The following RGS5 variants were observed in gnomAD, a reference collection of about 807,000 sequenced individuals.
RGS5 encodes the protein regulator of G-protein signalling 5.
Under a neutral mutation model 18.9 loss-of-function variants are expected in RGS5, and 20 were observed. The ratio of observed to expected loss-of-function variants is 1.06; its 90% CI spans 0.74 to 1.54. RGS5 has a LOEUF of 1.54. RGS5 is among the 40% of genes most tolerant of loss of function. The probability of loss-of-function intolerance (pLI) is 0.00; values close to 1 mark genes in which losing one functional copy is unlikely to be tolerated. For synonymous variants in RGS5, 57 were observed against 76.2 expected, an observed-to-expected ratio of 0.75 and a Z score of 1.31; for missense variants, 201 against 211.8, an observed-to-expected ratio of 0.95 and a Z score of 0.32.
upstream of RGS5, chr1:163,202,980 C>G (rs367602581): frequency 1.8e-4 from 129 of 699,550 alleles, no homozygotes; most frequent in South Asian, 2.2e-3. Flanking sequence ...GCTCTTCCAG[C>G]CAATCCAGAG....
intron 2 of RGS5, chr1:163,260,291 C>A (rs1648394609): frequency 6.6e-6 from 1 of 152,026 alleles, no homozygotes; most frequent in South Asian, 2.1e-4. Context: ...ATTTTTTAAT[C>A]CTATATAAAT....
intron 2 of RGS5, among the ~76,000 whole-genome samples, chr1:163,162,217 C>T (rs928376469): frequency 2.0e-5 from 3 of 152,104 alleles, no homozygotes; most frequent in African/African-American, 7.2e-5. Flanking sequence ...AGGTCTTTCC[C>T]TTTTTAAAAG....
At chr1:163,182,918 A>T (rs12566038) in intron 1 of RGS5, among the ~76,000 whole-genome samples, 24,315 of 144,992 alleles carry the variant, frequency 0.17, 2,114 homozygotes, top group South Asian at 0.24. Flanking sequence ...ATACCACAAA[A>T]ATATAAATGA....
chr1:163,170,114 G>A (rs556463417), intron 1 of RGS5, among the ~76,000 whole-genome samples: 1 of 152,154 alleles, frequency 6.6e-6, no homozygotes, highest in Non-Finnish European at 1.5e-5. Context: ...CATAGGACAA[G>A]TTGTTGAATA....
intron 1 of RGS5, among the ~76,000 whole-genome samples, chr1:163,312,989 T>G (rs916299132): frequency 2.6e-5 from 4 of 152,218 alleles, no homozygotes; most frequent in Non-Finnish European, 4.4e-5. Flanking sequence ...CCTGCATGGT[T>G]TACCATTCTA....
chr1:163,161,715 TC>T, intron 3 of RGS5, 199 bp downstream of exon 3: 1 of 504,824 alleles, frequency 2.0e-6, no homozygotes, highest in East Asian at 3.5e-5. Context: ...ATGTTCACAT[TC>T]CCTCATAGTG....
intron 1 of RGS5, among the ~76,000 whole-genome samples, chr1:163,313,830 AAC>A (rs1649938587): frequency 1.3e-5 from 2 of 152,322 alleles, no homozygotes; most frequent in South Asian, 2.1e-4. Context: ...TACAAAAATT[AAC>A]ACTGCCTCCA....
chr1:163,275,554 C>G (rs12025553), intron 2 of RGS5, among the ~76,000 whole-genome samples: 3 of 152,186 alleles, frequency 2.0e-5, no homozygotes, highest in Non-Finnish European at 4.4e-5. Flanking sequence ...GGTTGAATTA[C>G]TATGCCAACA....
Position 163,314,395 on chromosome 1 carries a change from G to A in RGS5, c.-378+7227C>T, listed in dbSNP as rs17362585. Among the ~76,000 whole-genome samples the A allele has an allele frequency of 3.9e-3, 598 of 151,968 alleles. 3 individuals carry two copies. Among genetic ancestry groups the A allele is most frequent in the Non-Finnish European group, 7.4e-3 (503 of 67,930 alleles). On this transcript the variant is annotated intron_variant, in intron 1 of 5. Transcript: ENST00000618415. ...CTTAGACCCCTTTTTGAGAAAACAG[G>A]ATTTGAAAAAGATATAGAGAACTTA...
At chr1:163,250,665 C>T (rs1413984232) in intron 2 of RGS5, among the ~76,000 whole-genome samples, 3 of 152,118 alleles carry the variant, frequency 2.0e-5, no homozygotes, top group Non-Finnish European at 4.4e-5. Flanking sequence ...CTTTTTTAAG[C>T]TCTTGGCAGA....
chr1:163,159,864 GA>G (rs1403383816), intron 3 of RGS5, among the ~76,000 whole-genome samples: 2 of 151,944 alleles, frequency 1.3e-5, no homozygotes, highest in Non-Finnish European at 2.9e-5. Flanking sequence ...GAAATATTGT[GA>G]ATATTATATA....
rs773667539 is a variant in RGS5, at chr1:163,147,463, T to C, written c.425A>G (p.Asn142Ser). Residue 142 changes from asparagine to serine, a missense_variant, in exon 5 of 5, where the codon AAC becomes AGC. Asn to Ser is a conservative substitution (Grantham distance 46). Coordinates refer to ENST00000313961, the MANE Select transcript of RGS5 (RefSeq NM_003617.4). ...GCTGCTCAGGGAAGGTTCCACCAGG[T>C]TCTTCATTGTGATGTCCTTAGTGAA... ...DHFTKDITMKNLVEPSLSSFD... is the reference protein window; with the variant it reads ...DHFTKDITMKSLVEPSLSSFD... 2.5e-6 allele frequency: 4 copies of C among 1,611,396 alleles called. No individual in the cohort carries two copies. The highest frequency in any genetic ancestry group is 3.4e-6 in the Non-Finnish European group (4 of 1,178,666).
At chr1:163,282,412 C>A (rs1649017203) in intron 2 of RGS5, among the ~76,000 whole-genome samples, 1 of 151,964 alleles carries the variant, frequency 6.6e-6, no homozygotes, top group African/African-American at 2.4e-5. Context: ...TAACTATCAT[C>A]AAAAAACAAA....
intron 3 of RGS5, 79 bp from the exon 4 acceptor site, chr1:163,152,795 G>A: frequency 2.2e-6 from 3 of 1,346,304 alleles, no homozygotes; most frequent in Non-Finnish European, 3.0e-6. Flanking sequence ...GAAAGGGAAA[G>A]GGCTTAGCAA....
intron 1 of RGS5, among the ~76,000 whole-genome samples, chr1:163,182,927 G>GGGATAATATTTATATTTAAATAT (rs6143453): frequency 1.3e-5 from 2 of 151,826 alleles, no homozygotes. Context: ...AAATATAAAT[G>GGGATAATATTTATATTTAAATAT]AAAGGGGTAG....
intron 2 of RGS5, among the ~76,000 whole-genome samples, chr1:163,290,523 C>T (rs1649255459): frequency 6.6e-6 from 1 of 151,966 alleles, no homozygotes; most frequent in Non-Finnish European, 1.5e-5. Flanking sequence ...TCTAATTATG[C>T]CTTTATTTGT....
At chr1:163,168,605 T>C (rs559092246) in intron 1 of RGS5, among the ~76,000 whole-genome samples, 8 of 152,230 alleles carry the variant, frequency 5.3e-5, no homozygotes, top group Non-Finnish European at 1.0e-4. Context: ...ATCCTCATTA[T>C]TGTTTTATAT....
chr1:163,225,331 T>A (rs1309313825), intron 2 of RGS5, among the ~76,000 whole-genome samples: 1 of 152,134 alleles, frequency 6.6e-6, no homozygotes, highest in African/African-American at 2.4e-5. Flanking sequence ...CCATCCAGAT[T>A]TACCCATCCT....
rs751987015 is a variant in RGS5 at position 163,179,872 on chromosome 1, A to G, written c.45-11504T>C. Among the ~76,000 whole-genome samples the G allele has an allele frequency of 3.3e-5, 5 of 152,216 alleles. No homozygotes were observed. In the South Asian group the frequency reaches 1.0e-3, roughly 32 times the overall value. On this transcript the variant is annotated intron_variant, in intron 1 of 4. Coordinates refer to ENST00000313961, the MANE Select transcript of RGS5 (RefSeq NM_003617.4). ...GGCACCATGTATTCCTTTTTACTCA[A>G]CCCTTCTTCCCAATATCCCATTTTT...
Sources: gnomAD v4.1 joint callset for allele counts (sites outside exome capture counted in the v4.1 genomes callset) on GRCh38, gnomAD v4.1.1 for gene constraint, MANE v1.5 for transcripts, NCBI Gene and HGNC (gene_info 2026-07-23, HGNC 2026-07-21) for gene names.